The following CADM3 variants were observed in gnomAD, a reference collection of about 807,000 sequenced individuals.
CADM3 encodes the protein cell adhesion molecule 3.
Under a neutral mutation model 44.9 loss-of-function variants are expected in CADM3, and 11 were observed. That is an observed-to-expected ratio of 0.25 (90% CI 0.15 to 0.41). CADM3 has a LOEUF of 0.41. Among genes scored for constraint, CADM3 ranks in the 10% least tolerant of loss-of-function variants. The pLI is 1.00. For synonymous variants in CADM3, 207 were observed against 205.2 expected (o/e 1.01, Z -0.08); for missense variants, 426 against 512.0 (o/e 0.83, Z 1.62).
At chr1:159,194,837 A>G (rs958555896) in intron 5 of CADM3, 1 of 152,192 alleles carries the variant, frequency 6.6e-6, no homozygotes, top group Admixed American at 6.5e-5. Flanking sequence ...CTTCTGAGGA[A>G]GTTTGGAAAC....
chr1:159,189,686 C>A, intron 1 of CADM3: 1 of 1,047,942 alleles, frequency 9.5e-7, no homozygotes, highest in Non-Finnish European at 1.4e-6. Flanking sequence ...CCTAGCCTTT[C>A]CCACATGCCC....
chr1:159,172,705 G>A (rs934308847), intron 1 of CADM3, among the ~76,000 whole-genome samples: 2 of 152,230 alleles, frequency 1.3e-5, no homozygotes, highest in Admixed American at 6.5e-5. Flanking sequence ...CTTTGCCCCA[G>A]TCTGGAACTC....
At chr1:159,200,418 C>G (rs1650118341) in intron 8 of CADM3, among the ~76,000 whole-genome samples, 1 of 152,152 alleles carries the variant, frequency 6.6e-6, no homozygotes, top group East Asian at 1.9e-4. Flanking sequence ...CATACATAAG[C>G]CAGATCTCAA....
chr1:159,194,958 G>C (rs1649829066), intron 5 of CADM3: 1 of 152,224 alleles, frequency 6.6e-6, no homozygotes, highest in South Asian at 2.1e-4. Context: ...GTTAGAGTTA[G>C]GAAATGGTGT....
At chr1:159,189,716 C>T (rs1342462319) in intron 1 of CADM3, 1 of 1,318,354 alleles carries the variant, frequency 7.6e-7, no homozygotes, top group African/African-American at 1.5e-5. Flanking sequence ...AGTAGAGCCC[C>T]ACACTGTAGC....
chr1:159,187,544 G>A (rs1369764302), intron 1 of CADM3, among the ~76,000 whole-genome samples: 1 of 152,166 alleles, frequency 6.6e-6, no homozygotes, highest in African/African-American at 2.4e-5. Flanking sequence ...AAATGAATTC[G>A]TGGTTGAAAA....
rs183762750 is a variant in CADM3 at position 159,194,246 on chromosome 1, C to T, written c.691+206C>T. On this transcript the variant is annotated intron_variant, in intron 5 of 8. Coordinates refer to ENST00000368125, the MANE Select transcript of CADM3 (RefSeq NM_001127173.3). ...AATATTTTAGGCTTTGAGACCCATA[C>T]AGCCTCTGTGTCAACTACTTAATTC... 7 of 518,112 alleles carry T rather than the reference C, an allele frequency of 1.4e-5. No individual in the cohort carries two copies. In the Admixed American group the frequency reaches 2.4e-4, roughly 18 times the overall value. The allele number at this position is 518,112 out of a possible 1,614,324, so 32.1% of individuals were successfully genotyped here. A position where few individuals can be genotyped will look rare whatever the true frequency, so the allele number is the denominator to read the frequency against.
Position 159,197,048 on chromosome 1 carries a change from C to A in CADM3, c.940C>A (p.Leu314Ile). The change falls in exon 7 of 9, where the codon CTC becomes ATC. Residue 314 changes from leucine to isoleucine, a missense_variant. Physicochemically the swap from Leu to Ile is conservative, Grantham distance 5 (BLOSUM62 2). This residue lies in a region of CADM3 where 362 missense variants were observed against 474.6 expected (regional missense o/e 0.76). Coordinates refer to ENST00000368125, the MANE Select transcript of CADM3 (RefSeq NM_001127173.3). The stretch of plus-strand genomic sequence containing the variant: ...GGGCAGCTACAAGGCCTACTACACC[C>A]TCAATGTTAATGGTAAGCCCTCCTC... Reference protein sequence around the residue: ...NMGSYKAYYTLNVNDPSPVPS... With the variant: ...NMGSYKAYYTINVNDPSPVPS... The A allele has an allele frequency of 6.2e-7, 1 of 1,614,110 alleles. No individual in the cohort carries two copies. The highest frequency in any genetic ancestry group is 1.1e-5 in the South Asian group (1 of 91,068).
chr1:159,193,710 T>C, intron 4 of CADM3, 150 bp downstream of exon 4: 1 of 1,404,642 alleles, frequency 7.1e-7, no homozygotes, highest in Non-Finnish European at 9.9e-7. Context: ...TATGTGTGTG[T>C]TGGGGCCTAC....
rs943938524 is a variant in CADM3 at position 159,191,840 on chromosome 1, C to T, written c.89-96C>T. 6.8e-6 allele frequency: 10 copies of T among 1,469,528 alleles called. 1 individual carries two copies. The highest frequency in any genetic ancestry group is 4.5e-4 in the Middle Eastern group (2 of 4,424). The allele number at this position is 1,469,528 out of a possible 1,614,324, so 91.0% of individuals were successfully genotyped here. A position where few individuals can be genotyped will look rare whatever the true frequency, so the allele number is the denominator to read the frequency against. On this transcript the variant is annotated intron_variant, in intron 1 of 8. Coordinates refer to ENST00000368125, the MANE Select transcript of CADM3 (RefSeq NM_001127173.3). Reference sequence around the variant, plus strand: ...ACAGAGACCTTGTGTACACAAGGGCCTTGGATGGTCTGAACTAGATGAGGT... The same window carrying T: ...ACAGAGACCTTGTGTACACAAGGGCTTTGGATGGTCTGAACTAGATGAGGT...
At chr1:159,196,072 AG>A (rs1649877762) in intron 5 of CADM3, 1 of 343,560 alleles carries the variant, frequency 2.9e-6, no homozygotes, top group Admixed American at 4.3e-5. Flanking sequence ...GAGGTTTGCT[AG>A]GCACAGGTAA....
intron 1 of CADM3, 75 bp from the exon 2 acceptor site, chr1:159,191,861 G>T (rs1200536915): frequency 1.3e-6 from 2 of 1,569,218 alleles, no homozygotes; most frequent in Non-Finnish European, 1.7e-6. Flanking sequence ...TGAACTAGAT[G>T]AGGTGTACTT....
At chr1:159,192,189 G>T in intron 2 of CADM3, 113 bp downstream of exon 2, 1 of 1,159,862 alleles carries the variant, frequency 8.6e-7, no homozygotes. Flanking sequence ...ATGGTGGTCT[G>T]CTGTTTGAGG....
Position 159,171,646 on chromosome 1 carries a change from G to T in CADM3, c.-120G>T. On this transcript the variant is annotated 5_prime_UTR_variant, in exon 1 of 9. Coordinates refer to ENST00000368125, the MANE Select transcript of CADM3 (RefSeq NM_001127173.3). ...CTCCCGGTCCCCACCTCGGCCCCGG[G>T]CTCCGAAGCGGCTCGGGGGCGCCCT... 1 of 668,650 alleles carries T rather than the reference G, an allele frequency of 1.5e-6. No homozygotes were observed. Among genetic ancestry groups the T allele is most frequent in the Non-Finnish European group, 2.1e-6 (1 of 474,220 alleles). 41.4% of individuals were successfully genotyped at this position (668,650 alleles called of 1,614,324 possible).
At chr1:159,180,195 G>T (rs1649175488) in intron 1 of CADM3, among the ~76,000 whole-genome samples, 2 of 152,268 alleles carry the variant, frequency 1.3e-5, no homozygotes, top group South Asian at 2.1e-4. Context: ...TATTCTGGAA[G>T]TAAGGGGTTC....
rs375465939 is a variant in CADM3, at chr1:159,192,704, C to T, written c.356C>T (p.Thr119Ile). The T allele has an allele frequency of 1.4e-4, 220 of 1,613,800 alleles. No individual in the cohort carries two copies. Among genetic ancestry groups the T allele is most frequent in the Non-Finnish European group, 1.8e-4 (215 of 1,179,970 alleles). ...TCSIFTMPVR[T>I]AKSLVTVLGI... ...TCAATCTTCACTATGCCTGTGCGAA[C>T]TGCCAAGTCCCTCGTCACTGTGCTA... The change falls in exon 3 of 9, where the codon ACT (threonine) becomes ATT (isoleucine). Residue 119 changes from threonine (T) to isoleucine (I), a missense_variant. This residue lies in a region of CADM3 where 362 missense variants were observed against 474.6 expected (regional missense o/e 0.76). Transcript: ENST00000368125.
chr1:159,178,096 A>G (rs1234111037), intron 1 of CADM3, among the ~76,000 whole-genome samples: 3 of 152,226 alleles, frequency 2.0e-5, no homozygotes, highest in Non-Finnish European at 4.4e-5. Flanking sequence ...TACAATCTAA[A>G]TGCTATGTAA....
chr1:159,196,090 C>T, intron 5 of CADM3: 2 of 392,538 alleles, frequency 5.1e-6, no homozygotes, highest in Non-Finnish European at 9.4e-6. Context: ...GTAAACCACT[C>T]ATTTCCCTTC....
At chr1:159,198,466 G>C (rs996362998) in intron 7 of CADM3, among the ~76,000 whole-genome samples, 1 of 152,102 alleles carries the variant, frequency 6.6e-6, no homozygotes, top group African/African-American at 2.4e-5. Flanking sequence ...TCATATCATA[G>C]ATTTCCTGGA....
Sources: allele counts gnomAD v4.1 joint callset (sites outside exome capture counted in the v4.1 genomes callset), GRCh38; gene constraint gnomAD v4.1.1; regional missense constraint gnomAD v4.1.1; transcripts MANE v1.5; gene names NCBI Gene and HGNC (gene_info 2026-07-23, HGNC 2026-07-21).